DIABLO: variants seen among roughly 807,000 people sequenced by gnomAD.
The protein encoded by DIABLO is diablo homolog, mitochondrial.
A neutral mutation model predicts 31.7 loss-of-function variants in DIABLO; 32 were observed. The observed-to-expected ratio is 1.01, with a 90% CI of 0.76 to 1.35. The LOEUF (loss-of-function observed/expected upper bound fraction) is 1.35, where lower values mean the gene tolerates loss of function less well. Ranked by LOEUF, DIABLO falls within the 40% of genes most tolerant of loss-of-function variation. DIABLO has a pLI of 0.00. For missense variants in DIABLO, 316 were observed against 286.4 expected (o/e 1.10, Z -0.75); for synonymous variants, 132 against 103.2 (o/e 1.28, Z -1.69).
At chr12:122,224,102 CCCA>C (rs1954393058) in intron 2 of DIABLO, among the ~76,000 whole-genome samples, 1 of 152,184 alleles carries the variant, frequency 6.6e-6, no homozygotes, top group Non-Finnish European at 1.5e-5. Context: ...CTGTTTTCTT[CCCA>C]CCATTTATCA....
chr12:122,209,381 A>AG (rs1211090944), intron 5 of DIABLO, among the ~76,000 whole-genome samples: 3 of 151,406 alleles, frequency 2.0e-5, no homozygotes, highest in Non-Finnish European at 4.4e-5. Flanking sequence ...AAAAGAAAAA[A>AG]GGCTGGGTGC....
intron 2 of DIABLO, chr12:122,222,336 C>G (rs980301970): frequency 6.6e-6 from 1 of 152,304 alleles, no homozygotes; most frequent in African/African-American, 2.4e-5. Flanking sequence ...GGTGCAGTGG[C>G]TGACGCCTGT....
At chr12:122,212,318 TGAA>T (rs1954105467) in intron 5 of DIABLO, among the ~76,000 whole-genome samples, 1 of 152,182 alleles carries the variant, frequency 6.6e-6, no homozygotes, top group South Asian at 2.1e-4. Flanking sequence ...TCAGAACTTT[TGAA>T]AAAAAATCTT....
intron 5 of DIABLO, among the ~76,000 whole-genome samples, chr12:122,211,077 TAAAAAA>T (rs1156571584): frequency 0.026 from 372 of 14,274 alleles, no homozygotes; most frequent in African/African-American, 0.081. Flanking sequence ...TAGTTAAAAG[TAAAAAA>T]AAAAAAAAAA....
intron 2 of DIABLO, among the ~76,000 whole-genome samples, chr12:122,223,476 AAAACC>A (rs1440078628): frequency 6.6e-6 from 1 of 152,016 alleles, no homozygotes; most frequent in Non-Finnish European, 1.5e-5. Flanking sequence ...TCTTTTTCAG[AAAACC>A]CAAAGCCTTA....
chr12:122,214,303 C>T (rs1954156730), intron 5 of DIABLO, among the ~76,000 whole-genome samples: 1 of 152,158 alleles, frequency 6.6e-6, no homozygotes, highest in Non-Finnish European at 1.5e-5. Flanking sequence ...ATCTTACCCT[C>T]CCAAGTAGCT....
At chr12:122,227,384 C>T (rs1954499627), upstream of DIABLO, 1 of 454,112 alleles carries the variant, frequency 2.2e-6, no homozygotes, top group South Asian at 1.6e-5. Flanking sequence ...ATCTTCCACC[C>T]TGAAGCTCCG....
chr12:122,216,377 C>T, intron 5 of DIABLO, 111 bp downstream of exon 5: 2 of 912,980 alleles, frequency 2.2e-6, no homozygotes, highest in Non-Finnish European at 3.5e-6. Context: ...GTGAGAGCCA[C>T]TTAGACCATT....
intron 5 of DIABLO, chr12:122,209,960 C>T (rs1954043292): frequency 1.7e-6 from 1 of 602,346 alleles, no homozygotes; most frequent in Admixed American, 2.8e-5. Context: ...ATGGCTACTA[C>T]ACTGAAGATG....
chr12:122,210,342 A>C (rs2136083751), intron 5 of DIABLO, among the ~76,000 whole-genome samples: 1 of 150,034 alleles, frequency 6.7e-6, no homozygotes, highest in South Asian at 2.1e-4. Context: ...CATTTTGGGG[A>C]CATCAAAATC....
chr12:122,226,231 G>C (rs774914935), upstream of DIABLO: 2 of 782,986 alleles, frequency 2.6e-6, no homozygotes, highest in African/African-American at 3.4e-5. Context: ...ACTTCCGCGC[G>C]GGGCGGGGCA....
chr12:122,227,305 C>G (rs1315744788), upstream of DIABLO: 8 of 442,648 alleles, frequency 1.8e-5, no homozygotes, highest in East Asian at 4.9e-4. Context: ...TTTGCCCAGC[C>G]ACTCCCCACA....
Position 122,216,795 on chromosome 12 carries a change from A to C in DIABLO, c.390T>G (p.Asp130Glu). 6.2e-7 allele frequency: 1 copy of C among 1,614,210 alleles called. No homozygotes were observed. The highest frequency in any genetic ancestry group is 8.5e-7 in the Non-Finnish European group (1 of 1,180,042). ...CTCCTATGATCACCTGCCACACTTC[A>C]TCTTCCTCCTCTGAATTCATTTTCC... is the stretch of plus-strand genomic sequence containing the variant. ...LLGKMNSEEE[D>E]EVWQVIIGAR... Residue 130 changes from aspartate to glutamate, a missense_variant, in exon 4 of 6, where the codon GAT becomes GAG. Transcript: ENST00000464942.
chr12:122,224,885 G>A (rs1566029773), intron 1 of DIABLO: 5 of 1,403,016 alleles, frequency 3.6e-6, no homozygotes, highest in Admixed American at 2.2e-5. Flanking sequence ...AAGGCGGGAG[G>A]ATCACTTGAG....
At chr12:122,209,916 T>C in intron 5 of DIABLO, 1 of 659,462 alleles carries the variant, frequency 1.5e-6, no homozygotes, top group East Asian at 2.7e-5. Context: ...AAGAAAATTA[T>C]CTCTTCATAA....
rs746361307 is a variant in DIABLO at position 122,224,650 on chromosome 12, A to G, written c.51-6T>C. ...CACACAAACACTGTCTGTACCTGGA[A>G]GTAGAAGTCAGATTTCATAAGGCAC... On this transcript the variant is annotated splice_region_variant and splice_polypyrimidine_tract_variant and intron_variant, in intron 1 of 5. Transcript: ENST00000464942. 9 of 1,614,064 alleles carry G rather than the reference A, an allele frequency of 5.6e-6. No individual in the cohort carries two copies. The African/African-American group carries it at 1.1e-4, about 19-fold the overall frequency.
chr12:122,208,248 T>C lies in DIABLO; in HGVS notation c.*133A>G, dbSNP rs1472988946. ...GAGGCACTCACAGCTCACAAAGGCG[T>C]CTCGCCTGATTGGCCAGGGCAGGAT... On this transcript the variant is annotated 3_prime_UTR_variant, in exon 6 of 6. Transcript: ENST00000464942. The C allele has an allele frequency of 3.8e-6, 4 of 1,058,726 alleles. 1 individual carries two copies. The South Asian group carries it at 5.3e-5, about 14-fold the overall frequency. The allele number at this position is 1,058,726 out of a possible 1,614,324, so 65.6% of individuals were successfully genotyped here. A position where few individuals can be genotyped will look rare whatever the true frequency, so the allele number is the denominator to read the frequency against.
intron 5 of DIABLO, among the ~76,000 whole-genome samples, chr12:122,214,570 C>T (rs554821891): frequency 2.8e-4 from 42 of 152,154 alleles, no homozygotes; most frequent in African/African-American, 8.9e-4. Context: ...GGACTACAGG[C>T]GAGCGCCAAT....
upstream of DIABLO, chr12:122,226,197 CG>C: frequency 1.0e-6 from 1 of 973,700 alleles, no homozygotes; most frequent in Non-Finnish European, 1.6e-6. Context: ...CTGTAACGGC[CG>C]CGCAAGGCAA....
Sources: gnomAD v4.1 joint callset for allele counts (sites outside exome capture counted in the v4.1 genomes callset) on GRCh38, gnomAD v4.1.1 for gene constraint, MANE v1.5 for transcripts, NCBI Gene and HGNC (gene_info 2026-07-23, HGNC 2026-07-21) for gene names.